The following GLRA2 variants were observed in gnomAD, a reference collection of about 807,000 sequenced individuals.
The protein encoded by GLRA2 is glycine receptor alpha 2, also known as glycine receptor subunit alpha-2.
GLRA2 carries 11 observed loss-of-function variants against 31.6 expected under a neutral mutation model. The observed-to-expected ratio is 0.35, with a 90% confidence interval of 0.22 to 0.58. The LOEUF (loss-of-function observed/expected upper bound fraction) is 0.58. Among genes scored for constraint, GLRA2 ranks in the 20% least tolerant of loss-of-function variants. The pLI, the probability that GLRA2 is intolerant of heterozygous loss-of-function variation, is 0.84. For missense variants in GLRA2, 212 were observed against 351.8 expected (o/e 0.60, Z 3.18); for synonymous variants, 132 against 134.0 (o/e 0.99, Z 0.10).
At chrX:14,554,922 T>C (rs2089621053) in intron 2 of GLRA2, among the ~76,000 whole-genome samples, 1 of 112,035 alleles carries the variant, frequency 8.9e-6, no homozygotes, top group African/African-American at 3.2e-5. Context: ...TTAAAATAGC[T>C]CCCATAGAAT....
chrX:14,653,952 G>A (rs1331649046), intron 7 of GLRA2, among the ~76,000 whole-genome samples: 1 of 111,684 alleles, frequency 9.0e-6, no homozygotes, highest in East Asian at 2.8e-4. Flanking sequence ...TAGCAAGACT[G>A]TGTCTTTACA....
the GLRA2 span, among the ~76,000 whole-genome samples, chrX:14,492,224 C>T: frequency 9.0e-6 from 1 of 110,527 alleles, no homozygotes; most frequent in Admixed American, 9.6e-5. Flanking sequence ...AGGAGCTTAG[C>T]CTGCAGAACA....
At chrX:14,664,610 C>G (rs1409005512) in intron 7 of GLRA2, among the ~76,000 whole-genome samples, 1 of 112,089 alleles carries the variant, frequency 8.9e-6, no homozygotes. Context: ...CTCCTTTTCT[C>G]TGCTTTTCTA....
At chrX:14,668,326 T>C (rs1414409497) in intron 7 of GLRA2, among the ~76,000 whole-genome samples, 2 of 112,337 alleles carry the variant, frequency 1.8e-5, no homozygotes, top group Non-Finnish European at 3.8e-5. Flanking sequence ...ACACATTGTA[T>C]TTGTTAGAAA....
intron 3 of GLRA2, among the ~76,000 whole-genome samples, chrX:14,579,450 C>T (rs773644001): frequency 2.7e-5 from 3 of 111,042 alleles, no homozygotes; most frequent in South Asian, 7.7e-4. Flanking sequence ...CCACTTCAGC[C>T]TCCTGAGTAG....
At chrX:14,721,787 T>C (rs187111332) in intron 8 of GLRA2, among the ~76,000 whole-genome samples, 1 of 111,680 alleles carries the variant, frequency 9.0e-6, no homozygotes, top group East Asian at 2.8e-4. Flanking sequence ...TTCAGTTCTT[T>C]GTCCTCTCTC....
the GLRA2 span, among the ~76,000 whole-genome samples, chrX:14,451,056 C>T: frequency 9.0e-6 from 1 of 111,473 alleles, no homozygotes; most frequent in Non-Finnish European, 1.9e-5. Context: ...TCCTGCCAAA[C>T]TTAGCTTCAT....
At chrX:14,714,691 C>T (rs1435229482) in intron 8 of GLRA2, among the ~76,000 whole-genome samples, 1 of 111,975 alleles carries the variant, frequency 8.9e-6, no homozygotes, top group Non-Finnish European at 1.9e-5. Context: ...ATGCATGAGG[C>T]TTGTAAAAAT....
chrX:14,651,308 G>C (rs1425834129), intron 7 of GLRA2, among the ~76,000 whole-genome samples: 1 of 111,459 alleles, frequency 9.0e-6, no homozygotes, highest in Non-Finnish European at 1.9e-5. Context: ...TTCCAAAGCT[G>C]GGGATAGGAA....
chrX:14,629,994 G>A lies in GLRA2; in HGVS notation c.930+20789G>A, dbSNP rs778211526. 1.4e-3 allele frequency among the ~76,000 whole-genome samples: 157 copies of A among 111,318 alleles called. 2 individuals are homozygous for A. The highest frequency in any genetic ancestry group is 4.8e-3 in the African/African-American group (148 of 30,751). Reference sequence around the variant, plus strand: ...ATCTTTTAAATTATTCCACTAATTTGAAAAAATCTTCTGTATTCACCTTGG... The same window carrying A: ...ATCTTTTAAATTATTCCACTAATTTAAAAAAATCTTCTGTATTCACCTTGG... On this transcript the variant is annotated intron_variant, in intron 7 of 8. Coordinates refer to ENST00000218075, the MANE Select transcript of GLRA2 (RefSeq NM_002063.4).
intron 7 of GLRA2, among the ~76,000 whole-genome samples, chrX:14,649,945 C>T (rs2090871318): frequency 9.0e-6 from 1 of 111,689 alleles, no homozygotes; most frequent in Admixed American, 9.6e-5. Flanking sequence ...CTAGGTAAGC[C>T]AAAAAACTAC....
intron 7 of GLRA2, among the ~76,000 whole-genome samples, chrX:14,626,399 A>G (rs1280023442): frequency 4.5e-5 from 5 of 112,241 alleles, no homozygotes; most frequent in African/African-American, 1.6e-4. Flanking sequence ...TTCACTGTAT[A>G]TTACATGCAG....
At chrX:14,618,657 G>C (rs755911122) in intron 7 of GLRA2, among the ~76,000 whole-genome samples, 31 of 111,678 alleles carry the variant, frequency 2.8e-4, no homozygotes, top group African/African-American at 1.0e-3. Flanking sequence ...TCTCTGCCCA[G>C]GGTCTTATAA....
intron 7 of GLRA2, among the ~76,000 whole-genome samples, chrX:14,621,798 A>G (rs1462873877): frequency 8.9e-6 from 1 of 112,082 alleles, no homozygotes; most frequent in East Asian, 2.8e-4. Context: ...AGTCTTTGCT[A>G]TTGTGAATAG....
chrX:14,611,544 A>C (rs2090398026), intron 7 of GLRA2, among the ~76,000 whole-genome samples: 2 of 112,890 alleles, frequency 1.8e-5, no homozygotes, highest in Admixed American at 9.4e-5. Flanking sequence ...TAAGTATGAT[A>C]ATTATAAATA....
intron 2 of GLRA2, among the ~76,000 whole-genome samples, chrX:14,541,073 T>TTGCTAATA (rs1340335252): frequency 2.8e-4 from 31 of 111,857 alleles, no homozygotes; most frequent in African/African-American, 7.4e-4. Context: ...TTTAACATAT[T>TTGCTAATA]TGCTAATATT....
upstream of GLRA2, among the ~76,000 whole-genome samples, chrX:14,526,847 C>T (rs1385698654): frequency 9.0e-6 from 1 of 111,169 alleles, no homozygotes; most frequent in Non-Finnish European, 1.9e-5. Flanking sequence ...ATTTTCTAAG[C>T]GAGTGTACTG....
chrX:14,493,522 C>T, the GLRA2 span, among the ~76,000 whole-genome samples: 4 of 101,974 alleles, frequency 3.9e-5, no homozygotes, highest in Non-Finnish European at 5.9e-5. Flanking sequence ...TATATATACA[C>T]ACATATATAC....
At chrX:14,595,081 C>G (rs1444182336) in intron 4 of GLRA2, among the ~76,000 whole-genome samples, 1 of 111,322 alleles carries the variant, frequency 9.0e-6, no homozygotes, top group Non-Finnish European at 1.9e-5. Flanking sequence ...TCTCTGGTGC[C>G]CAGCCACACT....
Sources: allele counts gnomAD v4.1 joint callset (sites outside exome capture counted in the v4.1 genomes callset), GRCh38; gene constraint gnomAD v4.1.1; transcripts MANE v1.5; gene names NCBI Gene and HGNC (gene_info 2026-07-23, HGNC 2026-07-21).